FER1L6: variants seen among roughly 807,000 people sequenced by gnomAD.
FER1L6 encodes fer-1-like protein 6.
A neutral mutation model predicts 219.2 loss-of-function variants in FER1L6; 177 were observed. The ratio of observed to expected loss-of-function variants is 0.81; its 90% CI spans 0.71 to 0.91. The LOEUF (loss-of-function observed/expected upper bound fraction) is 0.91. Ranked by LOEUF, FER1L6 falls within the 40% of genes least tolerant of loss-of-function variation. The pLI is 0.00. For missense variants in FER1L6, 2,153 were observed against 2,259.9 expected, an observed-to-expected ratio of 0.95 and a Z score of 0.96; for synonymous variants, 768 against 824.3, an observed-to-expected ratio of 0.93 and a Z score of 1.17.
chr8:124,082,020 T>TA (rs1470032992), intron 32 of FER1L6, among the ~76,000 whole-genome samples: 2 of 152,208 alleles, frequency 1.3e-5, no homozygotes, highest in African/African-American at 4.8e-5. Context: ...GTTTTTCCTC[T>TA]CCATCGTGCT....
At chr8:124,087,519 T>C (rs1821833215) in intron 33 of FER1L6, among the ~76,000 whole-genome samples, 1 of 152,180 alleles carries the variant, frequency 6.6e-6, no homozygotes, top group Non-Finnish European at 1.5e-5. Flanking sequence ...ATGCAACTAT[T>C]TTGAATTCTC....
chr8:124,001,661 A>G (rs1817415909), intron 12 of FER1L6, among the ~76,000 whole-genome samples: 1 of 152,238 alleles, frequency 6.6e-6, no homozygotes, highest in Non-Finnish European at 1.5e-5. Flanking sequence ...GAAGGGAAGA[A>G]AAGAATGAAC....
At chr8:124,065,116 G>T (rs931288256) in intron 26 of FER1L6, among the ~76,000 whole-genome samples, 1 of 152,090 alleles carries the variant, frequency 6.6e-6, no homozygotes, top group Non-Finnish European at 1.5e-5. Flanking sequence ...TTAAGGGGCC[G>T]GGCATGGTGG....
chr8:124,093,751 T>C (rs940042566), intron 34 of FER1L6, among the ~76,000 whole-genome samples: 1 of 60,754 alleles, frequency 1.6e-5, no homozygotes, highest in African/African-American at 6.9e-5. Context: ...TAATTATTGC[T>C]ATTGGGAGAT....
chr8:123,855,213 G>A (rs1816610878), intron 1 of FER1L6, among the ~76,000 whole-genome samples: 1 of 152,184 alleles, frequency 6.6e-6, no homozygotes, highest in Non-Finnish European at 1.5e-5. Flanking sequence ...CAGGCATCAT[G>A]GGAGAGGGAT....
chr8:124,049,451 C>T (rs926552331), intron 21 of FER1L6, among the ~76,000 whole-genome samples, 156 bp from the exon 22 acceptor site: 19 of 151,966 alleles, frequency 1.3e-4, no homozygotes, highest in East Asian at 9.7e-4. Context: ...CCCAGACCTA[C>T]GGAAATGGGC....
intron 19 of FER1L6, 114 bp from the exon 20 acceptor site, chr8:124,039,768 C>G (rs1586625000): frequency 7.4e-7 from 1 of 1,358,112 alleles, no homozygotes. Context: ...GGCTGGTGGT[C>G]TCCTTTTGTC....
chr8:123,968,572 T>C (rs1048197593), intron 5 of FER1L6, among the ~76,000 whole-genome samples: 3 of 152,230 alleles, frequency 2.0e-5, no homozygotes, highest in Non-Finnish European at 4.4e-5. Flanking sequence ...CAGCATCTGG[T>C]GTATTCAGAG....
intron 21 of FER1L6, chr8:124,046,760 A>G (rs1819757199): frequency 6.6e-6 from 1 of 152,252 alleles, no homozygotes; most frequent in African/African-American, 2.4e-5. Flanking sequence ...GAGACCATGA[A>G]GTTCCCATCT....
chr8:124,074,650 T>TAAAAAA (rs58971221), intron 31 of FER1L6, among the ~76,000 whole-genome samples: 1 of 114,354 alleles, frequency 8.7e-6, no homozygotes, highest in Non-Finnish European at 1.9e-5. Flanking sequence ...AGATACTGTC[T>TAAAAAA]AAAAAAAAAA....
intron 1 of FER1L6, among the ~76,000 whole-genome samples, chr8:123,911,619 C>T (rs1293778057): frequency 6.6e-6 from 1 of 152,140 alleles, no homozygotes; most frequent in Non-Finnish European, 1.5e-5. Context: ...GTGAGCTCAT[C>T]CTAGGATGCT....
intron 38 of FER1L6, among the ~76,000 whole-genome samples, chr8:124,102,584 G>T (rs2130989125): frequency 6.6e-6 from 1 of 152,300 alleles, no homozygotes; most frequent in Non-Finnish European, 1.5e-5. Context: ...GGAAAAAATG[G>T]TTAAAGAGAT....
chr8:124,065,405 A>AG (rs1359940511), intron 26 of FER1L6, among the ~76,000 whole-genome samples: 91 of 151,318 alleles, frequency 6.0e-4, no homozygotes, highest in African/African-American at 2.0e-3. Flanking sequence ...CATCTCAAAA[A>AG]AAAAAAAAAA....
At position 123,900,197 on chromosome 8, in the gene FER1L6, T is replaced by G. The variant is rs149524594; in HGVS notation, c.-8+48012T>G. On this transcript the variant is annotated intron_variant, in intron 1 of 40. Coordinates refer to ENST00000522917, the MANE Select transcript of FER1L6 (RefSeq NM_001039112.2). ...CAGCATTGTTTTGTAGTTTTTCTTATAGAGGTCTTTCAACTCCTTTGTTAA... is the reference window on the plus strand; with the variant it reads ...CAGCATTGTTTTGTAGTTTTTCTTAGAGAGGTCTTTCAACTCCTTTGTTAA... 3.0e-3 allele frequency among the ~76,000 whole-genome samples: 452 copies of G among 152,262 alleles called. 4 individuals are homozygous for G. The highest frequency in any genetic ancestry group is 0.011 in the African/African-American group (437 of 41,552).
chr8:124,033,054 G>A (rs1403979748), intron 18 of FER1L6, among the ~76,000 whole-genome samples: 3 of 152,204 alleles, frequency 2.0e-5, no homozygotes, highest in Non-Finnish European at 2.9e-5. Context: ...TAGCTTGCAG[G>A]CAATAGAACA....
intron 1 of FER1L6, among the ~76,000 whole-genome samples, chr8:123,929,415 T>C (rs184192249): frequency 1.8e-4 from 27 of 152,340 alleles, no homozygotes; most frequent in African/African-American, 6.0e-4. Context: ...AGTAGTGGAA[T>C]TGAGAATTAA....
At chr8:124,012,427 G>A (rs1817983003) in intron 14 of FER1L6, among the ~76,000 whole-genome samples, 1 of 152,164 alleles carries the variant, frequency 6.6e-6, no homozygotes, top group South Asian at 2.1e-4. Context: ...TTTCCTAGAG[G>A]CCATAGTGAC....
At chr8:124,020,752 C>A (rs1818423320) in intron 16 of FER1L6, among the ~76,000 whole-genome samples, 1 of 152,070 alleles carries the variant, frequency 6.6e-6, no homozygotes, top group Non-Finnish European at 1.5e-5. Flanking sequence ...AAAAATAGAA[C>A]CTACCTCATA....
intron 1 of FER1L6, among the ~76,000 whole-genome samples, chr8:123,897,664 G>C (rs1186244321): frequency 5.9e-5 from 9 of 152,160 alleles, no homozygotes; most frequent in Non-Finnish European, 1.3e-4. Flanking sequence ...GTGTGCTGTT[G>C]ATAGGCCAGC....
Sources: gnomAD v4.1 joint callset for allele counts (sites outside exome capture counted in the v4.1 genomes callset) on GRCh38, gnomAD v4.1.1 for gene constraint, MANE v1.5 for transcripts, NCBI Gene and HGNC (gene_info 2026-07-23, HGNC 2026-07-21) for gene names.